CLINT1: variants seen among roughly 807,000 people sequenced by gnomAD.
CLINT1 encodes clathrin interacting protein localized in the trans-Golgi region.
A neutral mutation model predicts 70.4 loss-of-function variants in CLINT1; 15 were observed. That is an observed-to-expected ratio of 0.21 (90% CI 0.14 to 0.33). The LOEUF is 0.33. CLINT1 is among the 10% of genes least tolerant of loss of function. CLINT1 has a pLI of 1.00. For synonymous variants in CLINT1, 227 were observed against 254.7 expected (o/e 0.89, Z 1.04); for missense variants, 615 against 778.1 (o/e 0.79, Z 2.49).
chr5:157,839,275 A>G (rs374381471), intron 1 of CLINT1, among the ~76,000 whole-genome samples: 21 of 151,978 alleles, frequency 1.4e-4, no homozygotes, highest in African/African-American at 5.1e-4. Flanking sequence ...AGCTTTACTC[A>G]AAAGAAAAGT....
At chr5:157,804,859 A>G (rs562637908) in intron 7 of CLINT1, among the ~76,000 whole-genome samples, 9 of 152,094 alleles carry the variant, frequency 5.9e-5, no homozygotes, top group Non-Finnish European at 1.2e-4. Flanking sequence ...CCTGGGAAGC[A>G]GAGGTTGCGG....
At position 157,786,425 on chromosome 5, in the gene CLINT1, AT is replaced by A. The variant is rs1272593842; in HGVS notation, c.*1220del. 2 of 152,584 alleles carry A rather than the reference AT, an allele frequency of 1.3e-5. No homozygotes were observed. Among genetic ancestry groups the A allele is most frequent in the Non-Finnish European group, 2.9e-5 (2 of 68,008 alleles). The allele number at this position is 152,584 out of a possible 1,614,324, so 9.5% of individuals were successfully genotyped here. A position where few individuals can be genotyped will look rare whatever the true frequency, so the allele number is the denominator to read the frequency against. On this transcript the variant is annotated 3_prime_UTR_variant, in exon 12 of 12. Coordinates refer to ENST00000411809, the MANE Select transcript of CLINT1 (RefSeq NM_014666.4). Reference sequence around the variant, plus strand: ...ATTTGATATCTATATTATAGTATTTATTTTGAAAAATATTCCCAGCTTGAGG... The same window carrying A: ...ATTTGATATCTATATTATAGTATTTATTTGAAAAATATTCCCAGCTTGAGG...
intron 6 of CLINT1, among the ~76,000 whole-genome samples, chr5:157,806,962 AGGAGAG>A (rs1467713037): frequency 2.0e-5 from 2 of 101,516 alleles, no homozygotes; most frequent in Non-Finnish European, 2.0e-5. Context: ...TGATGTAAGT[AGGAGAG>A]AGAGAGAGAG....
At chr5:157,791,631 A>C (rs1385403090) in intron 10 of CLINT1, 72 bp downstream of exon 10, 10 of 1,370,018 alleles carry the variant, frequency 7.3e-6, no homozygotes, top group African/African-American at 1.5e-5. Flanking sequence ...TTTTATACTA[A>C]TCTATCATTC....
rs115490252 is a variant in CLINT1, at chr5:157,851,271, C to T, written c.41+7659G>A. ...TCATTCAATAGTTGTTGAAAAAGCA[C>T]GCATGTACGTTTACCACATAATGAT... On this transcript the variant is annotated intron_variant, in intron 1 of 11. Coordinates refer to ENST00000411809, the MANE Select transcript of CLINT1 (RefSeq NM_014666.4). Among the ~76,000 whole-genome samples the T allele has an allele frequency of 5.2e-3, 786 of 152,156 alleles. 9 individuals carry two copies. The highest frequency in any genetic ancestry group is 0.017 in the African/African-American group (720 of 41,500).
intron 1 of CLINT1, among the ~76,000 whole-genome samples, chr5:157,849,705 C>T (rs1424548137): frequency 6.6e-6 from 1 of 152,190 alleles, no homozygotes; most frequent in Non-Finnish European, 1.5e-5. Flanking sequence ...GCCCAATTTC[C>T]TCATAAGAAA....
At chr5:157,812,678 A>T (rs1392073280) in intron 5 of CLINT1, among the ~76,000 whole-genome samples, 1 of 152,214 alleles carries the variant, frequency 6.6e-6, no homozygotes, top group East Asian at 1.9e-4. Context: ...ATTGGTTTCA[A>T]ATTAGAAAGA....
At chr5:157,820,961 A>G (rs971583295) in intron 1 of CLINT1, among the ~76,000 whole-genome samples, 5 of 152,220 alleles carry the variant, frequency 3.3e-5, no homozygotes, top group African/African-American at 1.2e-4. Context: ...ATTTCATACC[A>G]TTTAAACTAA....
chr5:157,817,617 TTAA>T, intron 1 of CLINT1, 70 bp from the exon 2 acceptor site: 1 of 1,031,522 alleles, frequency 9.7e-7, no homozygotes, highest in African/African-American at 1.6e-5. Flanking sequence ...ACATGAAAAC[TTAA>T]TAATGACACT....
chr5:157,812,571 A>G (rs1762595395), intron 5 of CLINT1, among the ~76,000 whole-genome samples: 1 of 152,246 alleles, frequency 6.6e-6, no homozygotes, highest in Non-Finnish European at 1.5e-5. Flanking sequence ...GTCATCTTTT[A>G]TATGTCAAAG....
intron 1 of CLINT1, among the ~76,000 whole-genome samples, chr5:157,843,553 T>C (rs1013786244): frequency 1.3e-5 from 2 of 152,200 alleles, no homozygotes; most frequent in South Asian, 2.1e-4. Context: ...ACAGCAGAAG[T>C]AGAGGAAGTA....
intron 1 of CLINT1, among the ~76,000 whole-genome samples, chr5:157,825,164 T>A (rs1291195157): frequency 1.3e-5 from 2 of 152,162 alleles, no homozygotes; most frequent in South Asian, 4.1e-4. Flanking sequence ...AGTAACCTAG[T>A]TATTAATACT....
At chr5:157,838,431 G>T (rs1763508911) in intron 1 of CLINT1, among the ~76,000 whole-genome samples, 1 of 152,088 alleles carries the variant, frequency 6.6e-6, no homozygotes, top group Non-Finnish European at 1.5e-5. Context: ...CCTAAGTCAA[G>T]GATTTCATAT....
chr5:157,814,124 C>T, intron 4 of CLINT1, 61 bp downstream of exon 4: 1 of 1,056,406 alleles, frequency 9.5e-7, no homozygotes, highest in Non-Finnish European at 1.4e-6. Flanking sequence ...TAAGCTGGTT[C>T]AGGTGACTGA....
rs540646248 is a variant in CLINT1, at chr5:157,830,321, T to G, written c.42-12774A>C. On this transcript the variant is annotated intron_variant, in intron 1 of 11. Transcript: ENST00000411809. ...TTGCCATTCTTGTTTTTGGTATCTG[T>G]TATTTCTTATTTTTTACCTAATGAA... Among the ~76,000 whole-genome samples the G allele has an allele frequency of 1.1e-3, 171 of 152,320 alleles. 1 individual carries two copies. The highest frequency in any genetic ancestry group is 4.1e-3 in the African/African-American group (169 of 41,576).
At chr5:157,836,587 C>T (rs1038818043) in intron 1 of CLINT1, among the ~76,000 whole-genome samples, 2 of 152,100 alleles carry the variant, frequency 1.3e-5, no homozygotes, top group Non-Finnish European at 2.9e-5. Context: ...TGCTTATGAC[C>T]CTTAGAATAA....
At chr5:157,799,522 T>C (rs568977796) in intron 8 of CLINT1, among the ~76,000 whole-genome samples, 10 of 152,226 alleles carry the variant, frequency 6.6e-5, no homozygotes, top group African/African-American at 2.4e-4. Flanking sequence ...CTCAACCTTA[T>C]TTATTGTACT....
intron 1 of CLINT1, among the ~76,000 whole-genome samples, chr5:157,844,899 T>C (rs1219186289): frequency 6.6e-6 from 1 of 152,268 alleles, no homozygotes; most frequent in Admixed American, 6.5e-5. Flanking sequence ...ATTTTCTTTT[T>C]CACCTATGGA....
At chr5:157,841,373 C>T (rs988424645) in intron 1 of CLINT1, among the ~76,000 whole-genome samples, 17 of 151,686 alleles carry the variant, frequency 1.1e-4, no homozygotes, top group African/African-American at 3.9e-4. Context: ...CGAGACCAGC[C>T]TGGCCAACAT....
Sources: allele counts gnomAD v4.1 joint callset (sites outside exome capture counted in the v4.1 genomes callset), GRCh38; gene constraint gnomAD v4.1.1; transcripts MANE v1.5; gene names NCBI Gene and HGNC (gene_info 2026-07-23, HGNC 2026-07-21).